The following ZEB2 variants were observed in gnomAD, a reference collection of about 807,000 sequenced individuals.
ZEB2 encodes zinc finger E-box-binding homeobox 2.
Under a neutral mutation model 99.9 loss-of-function variants are expected in ZEB2, and 6 were observed. That is an observed-to-expected ratio of 0.06 (90% CI 0.03 to 0.12). ZEB2 has a LOEUF of 0.12. Ranked by LOEUF, ZEB2 falls within the 10% of genes least tolerant of loss-of-function variation. The probability of loss-of-function intolerance (pLI) is 1.00; values close to 1 mark genes in which losing one functional copy is unlikely to be tolerated. For missense variants in ZEB2, 969 were observed against 1,502.8 expected, an observed-to-expected ratio of 0.64 and a Z score of 5.87; for synonymous variants, 517 against 542.5, an observed-to-expected ratio of 0.95 and a Z score of 0.65.
chr2:144,478,192 T>C (rs1419073588), intron 2 of ZEB2, among the ~76,000 whole-genome samples: 1 of 152,218 alleles, frequency 6.6e-6, no homozygotes, highest in African/African-American at 2.4e-5. Flanking sequence ...ACCTTATTCA[T>C]GACGGAGCAG....
At chr2:144,402,513 C>G (rs894527985) in intron 6 of ZEB2, among the ~76,000 whole-genome samples, 4 of 152,190 alleles carry the variant, frequency 2.6e-5, no homozygotes, top group Non-Finnish European at 5.9e-5. Context: ...TGTCTCCCCC[C>G]ACAGCCCTCA....
intron 1 of ZEB2, chr2:144,518,991 G>A (rs560306096): frequency 6.6e-6 from 1 of 152,124 alleles, no homozygotes; most frequent in African/African-American, 2.4e-5. Context: ...ATTACAGGGG[G>A]AGCATGTAAA....
At chr2:144,398,268 T>G (rs763953342) in intron 8 of ZEB2, 33 bp downstream of exon 8, 1 of 1,611,654 alleles carries the variant, frequency 6.2e-7, no homozygotes, top group Non-Finnish European at 8.5e-7. Context: ...GCCACCTCTT[T>G]TCTTCATAGC....
In ZEB2 at chr2:144,404,983, C is replaced by T; in HGVS notation, c.445G>A (p.Ala149Thr). ...NCTSDFEEYF[A>T]KRKLEERDGH... is the part of the protein sequence containing the mutation. ...TCGCGTTCCTCCAGTTTTCTTTTGG[C>T]AAAGTATTCCTCAAAATCTGATGTG... Residue 149 changes from alanine (A) to threonine (T), a missense_variant, in exon 5 of 10, where the codon GCC becomes ACC. Around this residue, in one of 8 missense-constraint regions of ZEB2, gnomAD observed 173 missense variants for 217.7 expected, o/e 0.79. Coordinates refer to ENST00000627532, the MANE Select transcript of ZEB2 (RefSeq NM_014795.4). The T allele has an allele frequency of 1.2e-6, 2 of 1,614,186 alleles. No homozygotes were observed. Among genetic ancestry groups the T allele is most frequent in the Non-Finnish European group, 1.7e-6 (2 of 1,180,042 alleles).
chr2:144,435,258 G>A (rs1186397310), intron 2 of ZEB2, among the ~76,000 whole-genome samples: 4 of 152,126 alleles, frequency 2.6e-5, no homozygotes, highest in Admixed American at 2.6e-4. Context: ...ACGTGACACA[G>A]ACATGTAACT....
intron 2 of ZEB2, among the ~76,000 whole-genome samples, chr2:144,508,460 C>A (rs1704981838): frequency 6.6e-6 from 1 of 152,126 alleles, no homozygotes; most frequent in Non-Finnish European, 1.5e-5. Flanking sequence ...TGTCTCATAC[C>A]CTTTACTTTC....
intron 7 of ZEB2, among the ~76,000 whole-genome samples, chr2:144,400,605 T>C (rs1316529981): frequency 6.6e-6 from 1 of 152,248 alleles, no homozygotes; most frequent in Non-Finnish European, 1.5e-5. Context: ...TCACAGTATT[T>C]AAAGGCAAGT....
rs1021924035 is a variant in ZEB2, at chr2:144,401,106, T to C, written c.916+93A>G. On this transcript the variant is annotated intron_variant, in intron 7 of 9. Coordinates refer to ENST00000627532, the MANE Select transcript of ZEB2 (RefSeq NM_014795.4). ...AAATAAATAGATAGTTCCAAAAAGC[T>C]ACAAATAGGACTGTGTAAATTTTAA... 68 of 1,183,198 alleles carry C rather than the reference T, an allele frequency of 5.7e-5. 1 individual carries two copies. In the Admixed American group the frequency reaches 1.1e-3, roughly 20 times the overall value. 73.3% of individuals were successfully genotyped at this position (1,183,198 alleles called of 1,614,324 possible).
At chr2:144,463,167 G>A (rs1704218492) in intron 2 of ZEB2, 1 of 152,132 alleles carries the variant, frequency 6.6e-6, no homozygotes, top group Non-Finnish European at 1.5e-5. Context: ...AAAGCAAATG[G>A]TGGCTATCGT....
chr2:144,464,632 T>C (rs1704246606), intron 2 of ZEB2, among the ~76,000 whole-genome samples: 1 of 152,210 alleles, frequency 6.6e-6, no homozygotes, highest in African/African-American at 2.4e-5. Flanking sequence ...AATTGTTTTT[T>C]TGGCATCTGT....
At chr2:144,409,134 G>A (rs562919145) in intron 4 of ZEB2, among the ~76,000 whole-genome samples, 3 of 152,176 alleles carry the variant, frequency 2.0e-5, no homozygotes, top group South Asian at 2.1e-4. Flanking sequence ...GCAGTGGTTC[G>A]GTTGACCACC....
At chr2:144,515,688 C>T (rs1030772322) in intron 2 of ZEB2, among the ~76,000 whole-genome samples, 1 of 151,740 alleles carries the variant, frequency 6.6e-6, no homozygotes, top group African/African-American at 2.4e-5. Context: ...ACGTAACGAA[C>T]AGTTTCTGAC....
At chr2:144,506,301 T>C (rs1704950158) in intron 2 of ZEB2, among the ~76,000 whole-genome samples, 1 of 152,218 alleles carries the variant, frequency 6.6e-6, no homozygotes. Flanking sequence ...TTTGTGTGCA[T>C]GTGGGAATGT....
intron 2 of ZEB2, among the ~76,000 whole-genome samples, chr2:144,466,528 T>C (rs922109538): frequency 2.6e-5 from 4 of 152,126 alleles, no homozygotes; most frequent in Admixed American, 2.6e-4. Context: ...CATAAAAAAA[T>C]GTCAAACAAT....
In ZEB2 at chr2:144,513,919, G is replaced by A. The variant is rs949143262; in HGVS notation, c.73+3359C>T. 5.4e-6 allele frequency: 8 copies of A among 1,476,484 alleles called. No homozygotes were observed. The Admixed American group carries it at 1.6e-4, about 29-fold the overall frequency. The allele number at this position is 1,476,484 out of a possible 1,614,324, so 91.5% of individuals were successfully genotyped here. On this transcript the variant is annotated intron_variant, in intron 2 of 9. Transcript: ENST00000627532. ...TCAGGCGACTGAGGATCATCTGACT[G>A]AACTTTCTTGAAACCGACACACATT...
intron 4 of ZEB2, among the ~76,000 whole-genome samples, chr2:144,409,129 G>C (rs1703424584): frequency 2.0e-5 from 3 of 152,078 alleles, no homozygotes; most frequent in South Asian, 2.1e-4. Flanking sequence ...ACCTTGCAGT[G>C]GTTCGGTTGA....
At chr2:144,476,670 T>C (rs1704434898) in intron 2 of ZEB2, among the ~76,000 whole-genome samples, 1 of 152,234 alleles carries the variant, frequency 6.6e-6, no homozygotes, top group Non-Finnish European at 1.5e-5. Context: ...TCTCACAAAT[T>C]AGCTTACTTC....
At chr2:144,487,730 C>T (rs578117400) in intron 2 of ZEB2, among the ~76,000 whole-genome samples, 3 of 152,144 alleles carry the variant, frequency 2.0e-5, no homozygotes, top group East Asian at 1.9e-4. Flanking sequence ...CTAAAACAAA[C>T]TTGACAAGTA....
chr2:144,411,992 G>A (rs1054975346), intron 4 of ZEB2, among the ~76,000 whole-genome samples: 6 of 152,198 alleles, frequency 3.9e-5, no homozygotes, highest in Non-Finnish European at 8.8e-5. Flanking sequence ...AAGATAGGCC[G>A]GGCACGGTGG....
Sources: allele counts gnomAD v4.1 joint callset (sites outside exome capture counted in the v4.1 genomes callset), GRCh38; gene constraint gnomAD v4.1.1; regional missense constraint gnomAD v4.1.1; transcripts MANE v1.5; gene names NCBI Gene and HGNC (gene_info 2026-07-23, HGNC 2026-07-21).